MINDY3: variants seen among roughly 807,000 people sequenced by gnomAD.
The protein encoded by MINDY3 is ubiquitin carboxyl-terminal hydrolase MINDY-3.
A neutral mutation model predicts 69.2 loss-of-function variants in MINDY3; 38 were observed. That is an observed-to-expected ratio of 0.55 (90% CI 0.42 to 0.72). The LOEUF is 0.72. Ranked by LOEUF, MINDY3 falls within the 30% of genes least tolerant of loss-of-function variation. MINDY3 has a pLI of 0.00. For synonymous variants in MINDY3, 192 were observed against 180.1 expected, an observed-to-expected ratio of 1.07 and a Z score of -0.53; for missense variants, 522 against 519.0, an observed-to-expected ratio of 1.01 and a Z score of -0.06.
At chr10:15,853,200 G>C (rs1290545676) in intron 1 of MINDY3, among the ~76,000 whole-genome samples, 1 of 152,034 alleles carries the variant, frequency 6.6e-6, no homozygotes, top group African/African-American at 2.4e-5. Flanking sequence ...ATTAGAAAAG[G>C]GAAAGAGTGA....
intron 11 of MINDY3, among the ~76,000 whole-genome samples, chr10:15,789,609 G>A (rs1367687286): frequency 2.6e-5 from 4 of 152,050 alleles, no homozygotes; most frequent in Non-Finnish European, 5.9e-5. Context: ...CGTTAAGTGG[G>A]TAAAATATTT....
chr10:15,817,099 G>A (rs1839426939), intron 9 of MINDY3, 184 bp from the exon 10 acceptor site: 1 of 579,360 alleles, frequency 1.7e-6, no homozygotes, highest in Non-Finnish European at 3.0e-6. Context: ...TTAGAAGACT[G>A]TCAGTACTGA....
intron 10 of MINDY3, among the ~76,000 whole-genome samples, chr10:15,815,681 T>C (rs1199325474): frequency 6.6e-6 from 1 of 152,198 alleles, no homozygotes. Context: ...ATGATGATGA[T>C]GATGACGATG....
chr10:15,837,176 G>A, intron 6 of MINDY3, 28 bp downstream of exon 6: 1 of 1,323,976 alleles, frequency 7.6e-7, no homozygotes, highest in Non-Finnish European at 1.1e-6. Context: ...ATTAATCAAA[G>A]GCAGAAAAAT....
At chr10:15,852,880 TAC>T (rs1834401176) in intron 1 of MINDY3, among the ~76,000 whole-genome samples, 1 of 152,190 alleles carries the variant, frequency 6.6e-6, no homozygotes, top group African/African-American at 2.4e-5. Flanking sequence ...ACTAAACATG[TAC>T]AGACTTTCTT....
At chr10:15,841,346 T>C in intron 4 of MINDY3, 80 bp downstream of exon 4, 1 of 1,168,210 alleles carries the variant, frequency 8.6e-7, no homozygotes, top group Non-Finnish European at 1.2e-6. Context: ...TTTTAAGTAA[T>C]TTTTTCTTCA....
At position 15,848,645 on chromosome 10, in the gene MINDY3, A is replaced by G. The variant is rs1239119314; in HGVS notation, c.95-702T>C. ...CTAGACTTCATCTCAAAAAAAAAAA[A>G]AAAAAAAAAAAAAAAAAGAAAGAAA... On this transcript the variant is annotated intron_variant, in intron 1 of 14. Transcript: ENST00000277632. 9.5e-5 allele frequency among the ~76,000 whole-genome samples: 13 copies of G among 136,438 alleles called. 1 individual carries two copies. Among genetic ancestry groups the G allele is most frequent in the Non-Finnish European group, 1.6e-5 (1 of 61,984 alleles). The allele number at this position is 136,438 out of a possible 152,430, so 89.5% of individuals were successfully genotyped here.
Position 15,789,291 on chromosome 10 carries a change from C to T in MINDY3, c.984G>A (p.Leu328=). The stretch of plus-strand genomic sequence containing the variant: ...GGTCCAATGCTTTCATCACATCTTC[C>T]AGAAGTGAATCGGGTATGAATCCAT... ...EDNGFIPDSL[L]EDVMKALDLV... The change falls in exon 12 of 15, where the codon CTG becomes CTA. Residue 328 remains leucine, a synonymous_variant. Coordinates refer to ENST00000277632, the MANE Select transcript of MINDY3 (RefSeq NM_024948.4). 2.5e-6 allele frequency: 4 copies of T among 1,611,298 alleles called. No homozygotes were observed. Among genetic ancestry groups the T allele is most frequent in the Non-Finnish European group, 3.4e-6 (4 of 1,178,334 alleles).
intron 1 of MINDY3, chr10:15,857,936 C>G (rs1834812374): frequency 1.0e-6 from 1 of 984,942 alleles, no homozygotes; most frequent in South Asian, 4.7e-5. Context: ...ACTAATGAGA[C>G]TGCAGTTGTC....
At position 15,837,381 on chromosome 10, in the gene MINDY3, A is replaced by C; in HGVS notation, c.462-63T>G. 4 of 1,330,962 alleles carry C rather than the reference A, an allele frequency of 3.0e-6. No homozygotes were observed. In the South Asian group the frequency reaches 5.4e-5, roughly 18 times the overall value. The allele number at this position is 1,330,962 out of a possible 1,614,324, so 82.4% of individuals were successfully genotyped here. A position where few individuals can be genotyped will look rare whatever the true frequency, so the allele number is the denominator to read the frequency against. ...GAGATTAACTACATTCATAAAAGGG[A>C]AAATTTTTAAATTTTCTTATACATT... On this transcript the variant is annotated intron_variant, in intron 5 of 14. Coordinates refer to ENST00000277632, the MANE Select transcript of MINDY3 (RefSeq NM_024948.4).
At chr10:15,784,836 T>C (rs1836829157) in intron 13 of MINDY3, among the ~76,000 whole-genome samples, 1 of 152,128 alleles carries the variant, frequency 6.6e-6, no homozygotes, top group African/African-American at 2.4e-5. Context: ...CACTATGCAT[T>C]TTGTGGCTAC....
intron 14 of MINDY3, among the ~76,000 whole-genome samples, chr10:15,781,136 A>C (rs1206501678): frequency 1.3e-5 from 2 of 152,170 alleles, no homozygotes; most frequent in African/African-American, 4.8e-5. Context: ...ATATACATGC[A>C]AAGAATATAC....
chr10:15,837,350 C>T (rs1370645694), intron 5 of MINDY3, 32 bp from the exon 6 acceptor site: 4 of 1,470,942 alleles, frequency 2.7e-6, no homozygotes, highest in Non-Finnish European at 2.8e-6. Flanking sequence ...GTATTGGTAT[C>T]ATGATGAGAT....
chr10:15,804,521 C>T (rs899502323), intron 10 of MINDY3, among the ~76,000 whole-genome samples: 4 of 152,046 alleles, frequency 2.6e-5, no homozygotes, highest in Admixed American at 6.6e-5. Flanking sequence ...TCTGCTGTCA[C>T]GATTCATCAA....
chr10:15,799,878 C>T (rs753446705), intron 10 of MINDY3, among the ~76,000 whole-genome samples: 2 of 152,090 alleles, frequency 1.3e-5, no homozygotes, highest in African/African-American at 4.8e-5. Flanking sequence ...TAGCTAACTG[C>T]GAGCTTCTCG....
At chr10:15,852,764 C>G (rs1325974212) in intron 1 of MINDY3, among the ~76,000 whole-genome samples, 3 of 151,986 alleles carry the variant, frequency 2.0e-5, no homozygotes, top group African/African-American at 7.2e-5. Context: ...ATAGTAAAAG[C>G]AAACTACAGT....
At chr10:15,815,598 A>G (rs1311295769) in intron 10 of MINDY3, among the ~76,000 whole-genome samples, 1 of 152,194 alleles carries the variant, frequency 6.6e-6, no homozygotes, top group Non-Finnish European at 1.5e-5. Flanking sequence ...TCCTACGAAC[A>G]TTCAGCAACC....
At chr10:15,816,370 T>C (rs904746860) in intron 10 of MINDY3, among the ~76,000 whole-genome samples, 1 of 151,822 alleles carries the variant, frequency 6.6e-6, no homozygotes, top group Admixed American at 6.6e-5. Flanking sequence ...TATATTAAAA[T>C]TGTGGGAAGT....
chr10:15,789,187 T>G (rs1434959417), intron 12 of MINDY3, 60 bp downstream of exon 12: 7 of 1,356,254 alleles, frequency 5.2e-6, no homozygotes, highest in Non-Finnish European at 7.3e-6. Flanking sequence ...ATGTACAATA[T>G]GTCTTAAACT....
Sources: gnomAD v4.1 joint callset for allele counts (sites outside exome capture counted in the v4.1 genomes callset) on GRCh38, gnomAD v4.1.1 for gene constraint, MANE v1.5 for transcripts, NCBI Gene and HGNC (gene_info 2026-07-23, HGNC 2026-07-21) for gene names.